The following SRGAP1 variants were observed in gnomAD, a reference collection of about 807,000 sequenced individuals.
The protein encoded by SRGAP1 is SLIT-ROBO Rho GTPase activating protein 1, also known as SLIT-ROBO Rho GTPase-activating protein 1.
Under a neutral mutation model 121.9 loss-of-function variants are expected in SRGAP1, and 43 were observed. The observed-to-expected ratio is 0.35, with a 90% CI of 0.28 to 0.46. The LOEUF is 0.46. Among genes scored for constraint, SRGAP1 ranks in the 20% least tolerant of loss-of-function variants. The pLI, the probability that SRGAP1 is intolerant of heterozygous loss-of-function variation, is 1.00. For synonymous variants in SRGAP1, 447 were observed against 485.4 expected (o/e 0.92, Z 1.04); for missense variants, 1,102 against 1,350.9 (o/e 0.82, Z 2.89).
chr12:63,883,233 T>C (rs1362155705), intron 1 of SRGAP1, among the ~76,000 whole-genome samples: 1 of 152,268 alleles, frequency 6.6e-6, no homozygotes, highest in Non-Finnish European at 1.5e-5. Flanking sequence ...CACCTCAGTT[T>C]ATTAAACAGC....
intron 4 of SRGAP1, among the ~76,000 whole-genome samples, chr12:64,021,957 C>T (rs2034559842): frequency 6.6e-6 from 1 of 152,152 alleles, no homozygotes; most frequent in African/African-American, 2.4e-5. Flanking sequence ...ATAGAATTAG[C>T]AAGTTTGGGA....
At chr12:64,124,080 A>G (rs1181753954) in intron 18 of SRGAP1, among the ~76,000 whole-genome samples, 1 of 152,150 alleles carries the variant, frequency 6.6e-6, no homozygotes, top group Non-Finnish European at 1.5e-5. Flanking sequence ...TCCAAAGCAA[A>G]AAGAAGGGGC....
At chr12:64,025,264 G>A (rs1218493911) in intron 4 of SRGAP1, among the ~76,000 whole-genome samples, 1 of 152,046 alleles carries the variant, frequency 6.6e-6, no homozygotes, top group East Asian at 1.9e-4. Context: ...AAACTTTGTT[G>A]GCTGGTTTTG....
chr12:64,082,546 G>A (rs1215615856), intron 10 of SRGAP1, among the ~76,000 whole-genome samples: 1 of 151,958 alleles, frequency 6.6e-6, no homozygotes, highest in East Asian at 1.9e-4. Context: ...CACCTCCCAG[G>A]TTTAAGTGAT....
intron 1 of SRGAP1, among the ~76,000 whole-genome samples, chr12:63,874,125 T>A (rs376077292): frequency 1.3e-5 from 2 of 151,862 alleles, no homozygotes; most frequent in Admixed American, 1.3e-4. Context: ...ATAAGCCACA[T>A]AGATATTCAA....
intron 8 of SRGAP1, among the ~76,000 whole-genome samples, chr12:64,078,368 G>A (rs1190945549): frequency 6.6e-6 from 1 of 152,162 alleles, no homozygotes; most frequent in Non-Finnish European, 1.5e-5. Context: ...CTCACGTTGA[G>A]CAAAAGGAAG....
At chr12:64,064,392 T>C (rs2136538732) in intron 7 of SRGAP1, among the ~76,000 whole-genome samples, 1 of 152,344 alleles carries the variant, frequency 6.6e-6, no homozygotes, top group East Asian at 1.9e-4. Flanking sequence ...ATTGAGATCA[T>C]GGCCAAATAT....
At chr12:64,018,704 C>A (rs1439536975) in intron 4 of SRGAP1, among the ~76,000 whole-genome samples, 1 of 152,160 alleles carries the variant, frequency 6.6e-6, no homozygotes, top group Admixed American at 6.6e-5. Flanking sequence ...TTTCCACTCT[C>A]CATGCAACCT....
rs116431498 is a variant in SRGAP1 at position 64,082,101 on chromosome 12, G to A, written c.1408+1731G>A. On this transcript the variant is annotated intron_variant, in intron 10 of 21. Transcript: ENST00000355086. The stretch of plus-strand genomic sequence containing the variant: ...AGGCCCAAAGCATAAATTATCCTAA[G>A]TGTAGATGAACGCTTATAGGCACAA... 7.9e-3 allele frequency among the ~76,000 whole-genome samples: 1,049 copies of A among 132,798 alleles called. 7 individuals are homozygous for A. Among genetic ancestry groups the A allele is most frequent in the African/African-American group, 0.028 (1,007 of 35,880 alleles). The allele number at this position is 132,798 out of a possible 152,430, so 87.1% of individuals were successfully genotyped here.
At position 64,150,330 on chromosome 12, in the gene SRGAP1, C is replaced by T. The variant is rs1382526395; in HGVS notation, c.*7658C>T. Reference sequence around the variant, plus strand: ...GCGACTTATGGATGGATCCTTCACACCCAACAGCTGTCTATCAGGGGTGCT... The same window carrying T: ...GCGACTTATGGATGGATCCTTCACATCCAACAGCTGTCTATCAGGGGTGCT... On this transcript the variant is annotated 3_prime_UTR_variant, in exon 22 of 22. Transcript: ENST00000355086. The T allele has an allele frequency of 6.6e-6, 1 of 152,176 alleles. No individual in the cohort carries two copies. Among genetic ancestry groups the T allele is most frequent in the African/African-American group, 2.4e-5 (1 of 41,454 alleles). The allele number at this position is 152,176 out of a possible 1,614,324, so 9.4% of individuals were successfully genotyped here.
chr12:64,094,343 T>C (rs954639415), intron 12 of SRGAP1, among the ~76,000 whole-genome samples: 1 of 152,212 alleles, frequency 6.6e-6, no homozygotes, highest in Non-Finnish European at 1.5e-5. Context: ...AAAACAAATC[T>C]GCGATATACA....
chr12:63,926,532 T>A (rs898606239), intron 1 of SRGAP1, among the ~76,000 whole-genome samples: 4 of 152,202 alleles, frequency 2.6e-5, no homozygotes, highest in African/African-American at 9.7e-5. Flanking sequence ...TTTTTGTTTG[T>A]TGTTTTTTAG....
chr12:63,942,601 G>A (rs1411950050), intron 1 of SRGAP1, among the ~76,000 whole-genome samples: 4 of 152,162 alleles, frequency 2.6e-5, no homozygotes, highest in Non-Finnish European at 5.9e-5. Flanking sequence ...TCCACTTTAT[G>A]ATCAGTGTTG....
At chr12:64,122,271 T>G (rs2036616342) in intron 18 of SRGAP1, among the ~76,000 whole-genome samples, 3 of 152,210 alleles carry the variant, frequency 2.0e-5, no homozygotes, top group Admixed American at 2.0e-4. Context: ...TTGTTATTGA[T>G]AGCAGCAGTA....
At chr12:63,968,465 A>G (rs183444851) in intron 1 of SRGAP1, among the ~76,000 whole-genome samples, 2 of 152,302 alleles carry the variant, frequency 1.3e-5, no homozygotes, top group Admixed American at 1.3e-4. Context: ...TGGTGGCTAG[A>G]TGAAGCATGT....
chr12:63,977,108 A>G (rs1407629646), intron 1 of SRGAP1, among the ~76,000 whole-genome samples: 1 of 152,072 alleles, frequency 6.6e-6, no homozygotes, highest in Non-Finnish European at 1.5e-5. Context: ...TATTATGCAA[A>G]ATTTGCACCT....
At chr12:63,923,140 A>G (rs868524038) in intron 1 of SRGAP1, among the ~76,000 whole-genome samples, 1 of 152,228 alleles carries the variant, frequency 6.6e-6, no homozygotes, top group Non-Finnish European at 1.5e-5. Flanking sequence ...CCTATCACTC[A>G]GAGGTAAATG....
intron 8 of SRGAP1, among the ~76,000 whole-genome samples, chr12:64,070,280 T>A (rs2035616240): frequency 6.6e-6 from 1 of 152,162 alleles, no homozygotes. Context: ...TTCTTCAAGT[T>A]TCTCATCCCT....
chr12:63,983,747 G>A (rs1354999584), intron 1 of SRGAP1, 200 bp from the exon 2 acceptor site: 1 of 146,462 alleles, frequency 6.8e-6, no homozygotes, highest in African/African-American at 2.6e-5. Context: ...TCCAGCCTGG[G>A]CAACAGAGCG....
Sources: allele counts gnomAD v4.1 joint callset (sites outside exome capture counted in the v4.1 genomes callset), GRCh38; gene constraint gnomAD v4.1.1; transcripts MANE v1.5; gene names NCBI Gene and HGNC (gene_info 2026-07-23, HGNC 2026-07-21).